Variants in G2E3 observed in about 807,000 individuals in gnomAD.
G2E3 encodes G2/M phase-specific E3 ubiquitin-protein ligase.
A neutral mutation model predicts 92.8 loss-of-function variants in G2E3; 35 were observed. The ratio of observed to expected loss-of-function variants is 0.38; its 90% CI spans 0.29 to 0.50. The LOEUF (loss-of-function observed/expected upper bound fraction) is 0.50. G2E3 is among the 20% of genes least tolerant of loss of function. The pLI is 0.94. For missense variants in G2E3, 554 were observed against 823.8 expected, an observed-to-expected ratio of 0.67 and a Z score of 4.01; for synonymous variants, 242 against 272.4, an observed-to-expected ratio of 0.89 and a Z score of 1.10.
intron 10 of G2E3, among the ~76,000 whole-genome samples, chr14:30,603,189 AGT>A (rs751506010): frequency 2.2e-4 from 34 of 151,932 alleles, no homozygotes; most frequent in Non-Finnish European, 3.7e-4. Context: ...AGCTGGGCAT[AGT>A]GTTGTGCATC....
intron 12 of G2E3, among the ~76,000 whole-genome samples, chr14:30,609,034 A>G (rs1881966228): frequency 6.6e-6 from 1 of 152,210 alleles, no homozygotes; most frequent in African/African-American, 2.4e-5. Context: ...GCCAACTCTT[A>G]TAACTACTAT....
chr14:30,571,537 T>G (rs1255712946), intron 1 of G2E3, among the ~76,000 whole-genome samples: 1 of 152,128 alleles, frequency 6.6e-6, no homozygotes, highest in Non-Finnish European at 1.5e-5. Flanking sequence ...ATGAAGATTC[T>G]TCACTATGTT....
At chr14:30,592,873 G>GTA (rs1881088928) in intron 5 of G2E3, among the ~76,000 whole-genome samples, 1 of 152,074 alleles carries the variant, frequency 6.6e-6, no homozygotes, top group African/African-American at 2.4e-5. Context: ...TATGCCCTAG[G>GTA]ATACCCCTGA....
intron 6 of G2E3, among the ~76,000 whole-genome samples, chr14:30,596,204 G>C (rs1417065667): frequency 6.6e-6 from 1 of 150,862 alleles, no homozygotes. Flanking sequence ...CTCTTTATTA[G>C]CTTCTCTCTT....
chr14:30,575,182 T>C (rs922312327), intron 1 of G2E3, among the ~76,000 whole-genome samples: 5 of 152,232 alleles, frequency 3.3e-5, no homozygotes, highest in Non-Finnish European at 5.9e-5. Context: ...TTAGTGATGT[T>C]GAGCTTTTTT....
chr14:30,605,651 C>A lies in G2E3; in HGVS notation c.1157C>A (p.Pro386His), dbSNP rs763630844. The A allele has an allele frequency of 6.2e-6, 10 of 1,609,294 alleles. No individual in the cohort carries two copies. In the South Asian group the frequency reaches 1.1e-4, roughly 18 times the overall value. ...LDAFRNRNFN[P>H]SYAIEVAYVI... ...GCATTCAGAAATCGAAACTTTAATC[C>A]TTCATATGCAATTGAAGTAGCATAT... The change falls in exon 11 of 15, where the codon CCT becomes CAT. Residue 386 changes from proline (P) to histidine (H), a missense_variant. This residue lies in a region of G2E3 where 397 missense variants were observed against 560.3 expected (regional missense o/e 0.71). Coordinates refer to ENST00000206595, the MANE Select transcript of G2E3 (RefSeq NM_017769.5).
chr14:30,602,227 A>G, intron 10 of G2E3, 96 bp downstream of exon 10: 1 of 916,718 alleles, frequency 1.1e-6, no homozygotes, highest in East Asian at 2.5e-5. Flanking sequence ...GTGATCATAC[A>G]GTAGTCTAGA....
chr14:30,610,763 T>G (rs1882051425), intron 12 of G2E3, among the ~76,000 whole-genome samples: 1 of 152,214 alleles, frequency 6.6e-6, no homozygotes, highest in Non-Finnish European at 1.5e-5. Flanking sequence ...TGTTTACTGT[T>G]CTGTAAAATC....
intron 1 of G2E3, chr14:30,577,913 G>A (rs1331864750): frequency 6.6e-6 from 1 of 152,128 alleles, no homozygotes; most frequent in East Asian, 1.9e-4. Context: ...TTATTTTCCA[G>A]GGAAGGGAAT....
At chr14:30,560,571 C>T in intron 1 of G2E3, 1 of 525,008 alleles carries the variant, frequency 1.9e-6, no homozygotes, top group Non-Finnish European at 3.3e-6. Context: ...GGCTATACTT[C>T]TCTAAGCCTT....
At chr14:30,576,538 A>T (rs1369181534) in intron 1 of G2E3, among the ~76,000 whole-genome samples, 1 of 152,254 alleles carries the variant, frequency 6.6e-6, no homozygotes, top group African/African-American at 2.4e-5. Context: ...GTTAAACTTA[A>T]GGGTTTCTGC....
rs1354242259 is a variant in G2E3 at position 30,618,216 on chromosome 14, AACAAG to A, written c.*1686_*1690del. ...TAACTTGAAATATTTAAGAACATTA[AACAAG>A]ACATTTCTTTGGCTTTGGTTGAATT... is the stretch of plus-strand genomic sequence containing the variant. On this transcript the variant is annotated 3_prime_UTR_variant, in exon 15 of 15. Transcript: ENST00000206595. 5.9e-5 allele frequency: 9 copies of A among 152,130 alleles called. No homozygotes were observed. Among genetic ancestry groups the A allele is most frequent in the Non-Finnish European group, 8.8e-5 (6 of 67,960 alleles). The allele number at this position is 152,130 out of a possible 1,614,324, so 9.4% of individuals were successfully genotyped here.
At chr14:30,578,583 A>G (rs537261943) in intron 1 of G2E3, among the ~76,000 whole-genome samples, 6 of 152,348 alleles carry the variant, frequency 3.9e-5, no homozygotes, top group East Asian at 3.9e-4. Flanking sequence ...TAAATGCACT[A>G]CATTTTGTGG....
intron 5 of G2E3, among the ~76,000 whole-genome samples, 184 bp downstream of exon 5, chr14:30,592,631 T>C (rs909094784): frequency 1.8e-4 from 21 of 117,734 alleles, no homozygotes; most frequent in African/African-American, 5.6e-4. Flanking sequence ...GTCTTGAGAA[T>C]TACCATGTCT....
At chr14:30,580,097 G>A (rs1431965217) in intron 1 of G2E3, among the ~76,000 whole-genome samples, 1 of 152,178 alleles carries the variant, frequency 6.6e-6, no homozygotes, top group Non-Finnish European at 1.5e-5. Flanking sequence ...GAGCACTACC[G>A]TACTAGAAGA....
intron 2 of G2E3, among the ~76,000 whole-genome samples, chr14:30,583,662 TCAC>T (rs758337341): frequency 2.5e-4 from 38 of 152,226 alleles, no homozygotes; most frequent in Non-Finnish European, 4.7e-4. Flanking sequence ...TTAAGTATTC[TCAC>T]CACAAGTGGT....
At chr14:30,599,471 C>T (rs1005232266) in intron 8 of G2E3, among the ~76,000 whole-genome samples, 1 of 152,182 alleles carries the variant, frequency 6.6e-6, no homozygotes, top group Admixed American at 6.5e-5. Context: ...TCGTGATCTG[C>T]CCGCCTCGGC....
In G2E3 at chr14:30,589,334, C is replaced by A. The variant is rs746400140; in HGVS notation, c.136-49C>A. On this transcript the variant is annotated intron_variant, in intron 3 of 14. Coordinates refer to ENST00000206595, the MANE Select transcript of G2E3 (RefSeq NM_017769.5). ...AGTATGGATATATATTTTTTTAATG[C>A]CCAACTAGTTTCTTAGAGTTTATTT... The A allele has an allele frequency of 8.7e-6, 9 of 1,038,834 alleles. No individual in the cohort carries two copies. In the Admixed American group the frequency reaches 9.4e-5, roughly 11 times the overall value. 64.4% of individuals were successfully genotyped at this position (1,038,834 alleles called of 1,614,324 possible).
At chr14:30,573,925 T>G (rs1373636928) in intron 1 of G2E3, among the ~76,000 whole-genome samples, 1 of 152,220 alleles carries the variant, frequency 6.6e-6, no homozygotes, top group East Asian at 1.9e-4. Flanking sequence ...ACCATCACAC[T>G]GTATTAATCT....
Sources: allele counts gnomAD v4.1 joint callset (sites outside exome capture counted in the v4.1 genomes callset), GRCh38; gene constraint gnomAD v4.1.1; regional missense constraint gnomAD v4.1.1; transcripts MANE v1.5; gene names NCBI Gene and HGNC (gene_info 2026-07-23, HGNC 2026-07-21).